PHF2: variants seen among roughly 807,000 people sequenced by gnomAD.
PHF2 encodes lysine-specific demethylase PHF2.
A neutral mutation model predicts 120.5 loss-of-function variants in PHF2; 27 were observed. The ratio of observed to expected loss-of-function variants is 0.22; its 90% CI spans 0.17 to 0.31. The LOEUF (loss-of-function observed/expected upper bound fraction) is 0.31, where lower values mean the gene tolerates loss of function less well. PHF2 is among the 10% of genes least tolerant of loss of function. The pLI, the probability that PHF2 is intolerant of heterozygous loss-of-function variation, is 1.00. For synonymous variants in PHF2, 568 were observed against 592.5 expected (o/e 0.96, Z 0.60); for missense variants, 1,024 against 1,434.8 (o/e 0.71, Z 4.63).
At chr9:93,577,100 C>G (rs1284013577) in intron 1 of PHF2, among the ~76,000 whole-genome samples, 2 of 147,776 alleles carry the variant, frequency 1.4e-5, no homozygotes, top group African/African-American at 4.9e-5. Context: ...CGCCCCTGGC[C>G]GCCGCGCACA....
chr9:93,666,641 T>TA (rs1306049192), intron 16 of PHF2, among the ~76,000 whole-genome samples: 4 of 152,248 alleles, frequency 2.6e-5, no homozygotes, highest in African/African-American at 9.6e-5. Flanking sequence ...TTAAAAATGT[T>TA]AAAAAACTGG....
At chr9:93,622,780 C>G (rs1205239560) in intron 1 of PHF2, among the ~76,000 whole-genome samples, 1 of 152,222 alleles carries the variant, frequency 6.6e-6, no homozygotes, top group Non-Finnish European at 1.5e-5. Context: ...TAGCCCCTCA[C>G]GCCAAGTCTT....
At position 93,656,314 on chromosome 9, in the gene PHF2, G is replaced by T. The variant is rs1378275618; in HGVS notation, c.1041-175G>T. ...TGCCTTCTCTTCTTGGGCACTGACA[G>T]AACTCTCATGGGCCCCGAGGTCTGC... On this transcript the variant is annotated intron_variant, in intron 8 of 21. Coordinates refer to ENST00000359246, the MANE Select transcript of PHF2 (RefSeq NM_005392.4). This position sits in a 1 kb window ranked among gnomAD's most constrained non-coding sequence, Gnocchi z 4.1. Among the ~76,000 whole-genome samples, 1 of 152,124 alleles carries T rather than the reference G, an allele frequency of 6.6e-6. No individual in the cohort carries two copies. Among genetic ancestry groups the T allele is most frequent in the Non-Finnish European group, 1.5e-5 (1 of 68,028 alleles).
At chr9:93,634,502 G>A (rs536082388) in intron 2 of PHF2, among the ~76,000 whole-genome samples, 329 of 152,336 alleles carry the variant, frequency 2.2e-3, no homozygotes, top group Non-Finnish European at 2.5e-3. Context: ...AGCCTTGCAC[G>A]GAGCCAAGAT....
chr9:93,637,498 T>C (rs1288465422), intron 3 of PHF2, among the ~76,000 whole-genome samples: 1 of 152,234 alleles, frequency 6.6e-6, no homozygotes, highest in African/African-American at 2.4e-5. Context: ...TAGCAACTAC[T>C]AATCCACTTT....
At chr9:93,590,110 C>A (rs538607089) in intron 1 of PHF2, among the ~76,000 whole-genome samples, 1 of 152,166 alleles carries the variant, frequency 6.6e-6, no homozygotes, top group Non-Finnish European at 1.5e-5. Context: ...TATAGCATTT[C>A]GGATTTTAAA....
intron 1 of PHF2, among the ~76,000 whole-genome samples, chr9:93,578,865 A>G (rs1371325470): frequency 6.6e-6 from 1 of 152,180 alleles, no homozygotes; most frequent in Non-Finnish European, 1.5e-5. Flanking sequence ...ATTGAATCCA[A>G]TACAGGCAGT....
intron 11 of PHF2, 150 bp from the exon 12 acceptor site, chr9:93,660,042 T>C (rs1826531653): frequency 2.2e-6 from 2 of 917,200 alleles, no homozygotes; most frequent in African/African-American, 1.7e-5. Context: ...TGTGAGTGTG[T>C]CACATGATGG....
rs758341648 is a variant in PHF2 at position 93,658,175 on chromosome 9, C to G, written c.1178C>G (p.Pro393Arg). 32 of 1,613,376 alleles carry G rather than the reference C, an allele frequency of 2.0e-5. No individual in the cohort carries two copies. The highest frequency in any genetic ancestry group is 2.7e-5 in the Non-Finnish European group (32 of 1,179,738). ...GSHKSGKQLP[P>R]HLVQGAKILN... is the part of the protein sequence containing the mutation. ...CACAAATCTGGGAAGCAGCTGCCCC[C>G]TCATCTAGTCCAAGGAGCTAAAATT... The change falls in exon 10 of 22, where the codon CCT becomes CGT. Residue 393 changes from proline to arginine, a missense_variant. By Grantham distance (103) the Pro-to-Arg change is moderately radical (BLOSUM62 -2). Transcript: ENST00000359246.
chr9:93,578,617 G>T (rs1360832026), intron 1 of PHF2, among the ~76,000 whole-genome samples: 1 of 152,200 alleles, frequency 6.6e-6, no homozygotes, highest in African/African-American at 2.4e-5. Flanking sequence ...GTGAGAGAAC[G>T]CGAGAAGACC....
chr9:93,653,205 A>T lies in PHF2; in HGVS notation c.629A>T (p.Asp210Val), dbSNP rs751723883. The part of the protein sequence containing the change: ...TRMSSFVEPP[D>V]IVKKLSWVEN... Reference sequence around the variant, plus strand: ...ATGTCCAGCTTCGTGGAGCCACCTGACATTGTAAAGAAACTGTCATGGGTA... The same window carrying T: ...ATGTCCAGCTTCGTGGAGCCACCTGTCATTGTAAAGAAACTGTCATGGGTA... The change falls in exon 6 of 22, where the codon GAC (aspartate) becomes GTC (valine). Residue 210 changes from aspartate to valine, a missense_variant. By Grantham distance (152) the Asp-to-Val change is radical. Around this residue, in one of 2 missense-constraint regions of PHF2, gnomAD observed 347 missense variants for 577.4 expected, o/e 0.60. Transcript: ENST00000359246. 3 of 1,614,028 alleles carry T rather than the reference A, an allele frequency of 1.9e-6. No individual in the cohort carries two copies. Among genetic ancestry groups the T allele is most frequent in the Non-Finnish European group, 2.5e-6 (3 of 1,180,026 alleles).
intron 1 of PHF2, among the ~76,000 whole-genome samples, chr9:93,604,907 C>T (rs1484189257): frequency 6.6e-6 from 1 of 152,038 alleles, no homozygotes; most frequent in East Asian, 1.9e-4. Context: ...CTTAGCATTC[C>T]CACCCATGAC....
At chr9:93,593,655 T>G (rs1825275876) in intron 1 of PHF2, among the ~76,000 whole-genome samples, 1 of 152,208 alleles carries the variant, frequency 6.6e-6, no homozygotes, top group Admixed American at 6.5e-5. Flanking sequence ...TCTACACTGT[T>G]GAATGATGAA....
chr9:93,678,540 G>A lies in PHF2; in HGVS notation c.*864G>A, dbSNP rs977696502. The A allele has an allele frequency of 4.6e-5, 7 of 152,546 alleles. No individual in the cohort carries two copies. Among genetic ancestry groups the A allele is most frequent in the African/African-American group, 1.7e-4 (7 of 41,458 alleles). 9.4% of individuals were successfully genotyped at this position (152,546 alleles called of 1,614,324 possible). On this transcript the variant is annotated 3_prime_UTR_variant, in exon 22 of 22. Coordinates refer to ENST00000359246, the MANE Select transcript of PHF2 (RefSeq NM_005392.4). ...AGGGACAGTGGCCAGGCGGCCCGAG[G>A]ACTTACGGTCGGCACTTCTCTGTTC...
chr9:93,675,853 G>C, intron 20 of PHF2, 64 bp downstream of exon 20: 1 of 1,236,264 alleles, frequency 8.1e-7, no homozygotes, highest in Non-Finnish European at 1.2e-6. Flanking sequence ...GGTGGGCTCA[G>C]GTTCCCCAAG....
intron 1 of PHF2, among the ~76,000 whole-genome samples, chr9:93,604,991 C>T (rs556925482): frequency 3.3e-5 from 5 of 152,252 alleles, no homozygotes; most frequent in East Asian, 1.9e-4. Context: ...ACTTCTTCTA[C>T]GTGATTTATT....
intron 4 of PHF2, 125 bp from the exon 5 acceptor site, chr9:93,648,946 A>G: frequency 3.7e-6 from 4 of 1,078,414 alleles, no homozygotes; most frequent in Non-Finnish European, 5.4e-6. Flanking sequence ...CTCCGCATCC[A>G]GCCCCTGGCA....
rs963183069 is a variant in PHF2 at position 93,678,199 on chromosome 9, G to C, written c.*523G>C. ...TGATTCTCAGCCAAGTCCAGACAGTGCTCGGCGGGTGAGGAAGGGTCTGCC... is the reference window on the plus strand; with the variant it reads ...TGATTCTCAGCCAAGTCCAGACAGTCCTCGGCGGGTGAGGAAGGGTCTGCC... On this transcript the variant is annotated 3_prime_UTR_variant, in exon 22 of 22. Transcript: ENST00000359246. 4 of 153,202 alleles carry C rather than the reference G, an allele frequency of 2.6e-5. No individual in the cohort carries two copies. The highest frequency in any genetic ancestry group is 9.6e-5 in the African/African-American group (4 of 41,486). 9.5% of individuals were successfully genotyped at this position (153,202 alleles called of 1,614,324 possible).
chr9:93,665,612 C>A, intron 14 of PHF2, 74 bp from the exon 15 acceptor site: 5 of 1,524,844 alleles, frequency 3.3e-6, no homozygotes, highest in Non-Finnish European at 3.5e-6. Context: ...GGCAGAGGAC[C>A]CCTCGGGAGG....
Sources: gnomAD v4.1 joint callset for allele counts (sites outside exome capture counted in the v4.1 genomes callset) on GRCh38, gnomAD v4.1.1 for gene constraint, gnomAD v4.1.1 regional missense constraint, Gnocchi (gnomAD v3.1) non-coding constraint, MANE v1.5 for transcripts, NCBI Gene and HGNC (gene_info 2026-07-23, HGNC 2026-07-21) for gene names.